The following RNFT2 variants were observed in gnomAD, a reference collection of about 807,000 sequenced individuals.
The protein encoded by RNFT2 is ring finger protein, transmembrane 2.
Under a neutral mutation model 53.0 loss-of-function variants are expected in RNFT2, and 36 were observed. That is an observed-to-expected ratio of 0.68 (90% CI 0.52 to 0.90). The LOEUF (loss-of-function observed/expected upper bound fraction) is 0.90. Among genes scored for constraint, RNFT2 ranks in the 40% least tolerant of loss-of-function variants. The pLI is 0.00. For missense variants in RNFT2, 514 were observed against 585.6 expected (o/e 0.88, Z 1.26); for synonymous variants, 260 against 253.2 (o/e 1.03, Z -0.26).
intron 6 of RNFT2, among the ~76,000 whole-genome samples, chr12:116,777,285 T>C (rs1332747432): frequency 2.0e-5 from 3 of 152,092 alleles, no homozygotes; most frequent in Non-Finnish European, 4.4e-5. Flanking sequence ...TTAAGACATA[T>C]AAAATATACA....
chr12:116,794,741 A>G (rs1874426067), intron 7 of RNFT2, among the ~76,000 whole-genome samples: 1 of 149,476 alleles, frequency 6.7e-6, no homozygotes, highest in East Asian at 2.0e-4. Flanking sequence ...TTAGCCCAAG[A>G]TCCCAGAGCT....
At chr12:116,815,664 C>T (rs370570848) in intron 7 of RNFT2, among the ~76,000 whole-genome samples, 2 of 152,122 alleles carry the variant, frequency 1.3e-5, no homozygotes, top group African/African-American at 2.4e-5. Context: ...ATCTCAGGAG[C>T]CTTAATTTCA....
chr12:116,817,052 G>A (rs11068198), intron 7 of RNFT2, among the ~76,000 whole-genome samples: 11 of 152,014 alleles, frequency 7.2e-5, no homozygotes, highest in African/African-American at 9.7e-5. Context: ...TCGCTCTGTC[G>A]CCCAGGCTAG....
intron 7 of RNFT2, among the ~76,000 whole-genome samples, chr12:116,792,129 A>G (rs992229196): frequency 2.6e-5 from 4 of 152,164 alleles, no homozygotes; most frequent in African/African-American, 9.7e-5. Flanking sequence ...GGCTCACAGC[A>G]ACCTCCACCT....
At chr12:116,794,928 G>A (rs1005106858) in intron 7 of RNFT2, among the ~76,000 whole-genome samples, 5 of 151,952 alleles carry the variant, frequency 3.3e-5, no homozygotes, top group African/African-American at 7.3e-5. Context: ...AGACATCATC[G>A]TAACCTTTGT....
chr12:116,777,497 T>A (rs1183602403), intron 6 of RNFT2, among the ~76,000 whole-genome samples: 1 of 152,152 alleles, frequency 6.6e-6, no homozygotes, highest in Non-Finnish European at 1.5e-5. Context: ...TGGTCATGGA[T>A]AGGTTTACAC....
chr12:116,787,574 G>T (rs1053122081), intron 7 of RNFT2, among the ~76,000 whole-genome samples: 1 of 151,994 alleles, frequency 6.6e-6, no homozygotes, highest in Non-Finnish European at 1.5e-5. Context: ...CAATTAGCTG[G>T]GCATGGTGGA....
chr12:116,782,809 G>A lies in RNFT2; in HGVS notation c.882+3461G>A, dbSNP rs1375709135. ...CTATCACAGGCAGCTCCTCCAGACA[G>A]CTTTCTATCCAGGTCTGGTAACTGT... On this transcript the variant is annotated intron_variant, in intron 7 of 10. Transcript: ENST00000257575. Among the ~76,000 whole-genome samples, 6 of 152,180 alleles carry A rather than the reference G, an allele frequency of 3.9e-5. No individual in the cohort carries two copies. In the South Asian group the frequency reaches 1.2e-3, roughly 32 times the overall value.
chr12:116,757,429 CT>C (rs1415647914), intron 5 of RNFT2, among the ~76,000 whole-genome samples: 2 of 152,028 alleles, frequency 1.3e-5, no homozygotes, highest in African/African-American at 4.8e-5. Context: ...TCAGTTTGTG[CT>C]CTTTCAGTCT....
intron 4 of RNFT2, among the ~76,000 whole-genome samples, chr12:116,750,888 TATAATATATA>T (rs1566069527): frequency 3.6e-4 from 2 of 5,582 alleles, no homozygotes; most frequent in African/African-American, 1.3e-3. Flanking sequence ...ATATTATATA[TATAATATATA>T]TATATATATA....
At chr12:116,789,603 G>A (rs1874123789) in intron 7 of RNFT2, among the ~76,000 whole-genome samples, 1 of 147,334 alleles carries the variant, frequency 6.8e-6, no homozygotes, top group African/African-American at 2.5e-5. Context: ...AGTGGTGGGT[G>A]GATGGATGGT....
At chr12:116,752,364 A>T (rs907352563) in intron 4 of RNFT2, among the ~76,000 whole-genome samples, 3 of 152,128 alleles carry the variant, frequency 2.0e-5, no homozygotes, top group Non-Finnish European at 4.4e-5. Flanking sequence ...CATCTTCCCC[A>T]CTACCCTGAA....
At chr12:116,740,647 G>T in intron 2 of RNFT2, 126 bp downstream of exon 2, 1 of 886,106 alleles carries the variant, frequency 1.1e-6, no homozygotes. Flanking sequence ...AACCCACAGA[G>T]GGGTTACTGA....
intron 7 of RNFT2, chr12:116,801,594 G>C (rs1874792827): frequency 6.6e-6 from 1 of 152,128 alleles, no homozygotes; most frequent in Admixed American, 6.6e-5. Flanking sequence ...AATAACACAA[G>C]TCAAGTGCTG....
chr12:116,793,040 G>A (rs993521998), intron 7 of RNFT2, among the ~76,000 whole-genome samples: 14 of 151,936 alleles, frequency 9.2e-5, no homozygotes, highest in Admixed American at 4.6e-4. Context: ...GCCTTGCAAC[G>A]CTGGAGGGTC....
At chr12:116,816,078 A>G (rs1435903249) in intron 7 of RNFT2, among the ~76,000 whole-genome samples, 1 of 152,208 alleles carries the variant, frequency 6.6e-6, no homozygotes, top group African/African-American at 2.4e-5. Flanking sequence ...GGGGACAGAT[A>G]AGCTCATCCA....
At chr12:116,752,959 T>TGG (rs1476871599) in intron 4 of RNFT2, among the ~76,000 whole-genome samples, 3 of 152,094 alleles carry the variant, frequency 2.0e-5, no homozygotes, top group African/African-American at 4.8e-5. Flanking sequence ...AATCATTATT[T>TGG]GGGGAGAATT....
chr12:116,804,822 C>A (rs2137156324), intron 7 of RNFT2, among the ~76,000 whole-genome samples: 1 of 152,216 alleles, frequency 6.6e-6, no homozygotes. Flanking sequence ...CAAAAATTAG[C>A]CAGGCATGGT....
chr12:116,821,983 C>T (rs1322038090), intron 7 of RNFT2, among the ~76,000 whole-genome samples: 2 of 151,754 alleles, frequency 1.3e-5, no homozygotes, highest in African/African-American at 2.4e-5. Flanking sequence ...TACAGGTGTG[C>T]ACCTCTACAC....
Sources: allele counts gnomAD v4.1 joint callset (sites outside exome capture counted in the v4.1 genomes callset), GRCh38; gene constraint gnomAD v4.1.1; transcripts MANE v1.5; gene names NCBI Gene and HGNC (gene_info 2026-07-23, HGNC 2026-07-21).